The following UMODL1 variants were observed in gnomAD, a reference collection of about 807,000 sequenced individuals.
UMODL1 encodes uromodulin-like 1.
A neutral mutation model predicts 136.3 loss-of-function variants in UMODL1; 128 were observed. The ratio of observed to expected loss-of-function variants is 0.94; its 90% CI spans 0.81 to 1.09. The LOEUF (loss-of-function observed/expected upper bound fraction) is 1.09, where lower values mean the gene tolerates loss of function less well. Ranked by LOEUF, UMODL1 falls within the 50% of genes least tolerant of loss-of-function variation. UMODL1 has a pLI of 0.00. For missense variants in UMODL1, 1,766 were observed against 1,725.6 expected (o/e 1.02, Z -0.41); for synonymous variants, 721 against 720.0 (o/e 1.00, Z -0.02).
At chr21:42,128,794 C>T (rs2067096087) in intron 20 of UMODL1, among the ~76,000 whole-genome samples, 1 of 152,228 alleles carries the variant, frequency 6.6e-6, no homozygotes, top group African/African-American at 2.4e-5. Flanking sequence ...GAATTCTTTA[C>T]AAGAGGAGCG....
chr21:42,113,591 G>A lies in UMODL1; in HGVS notation c.2123G>A (p.Arg708Lys), dbSNP rs770338607. ...TPACVPVSIG[R>K]IMVSNVTSTG... ...TTCCCAGTTCCTGTCTCCATTGGGAGGATCATGGTCTCCAATGTGACCAGC... is the reference window on the plus strand; with the variant it reads ...TTCCCAGTTCCTGTCTCCATTGGGAAGATCATGGTCTCCAATGTGACCAGC... The change falls in exon 13 of 23, where the codon AGG (arginine) becomes AAG (lysine). Residue 708 changes from arginine to lysine, a missense_variant. Arg to Lys is a conservative substitution (Grantham distance 26, BLOSUM62 2). Transcript: ENST00000408910. 2 of 1,613,774 alleles carry A rather than the reference G, an allele frequency of 1.2e-6. No individual in the cohort carries two copies. The highest frequency in any genetic ancestry group is 2.2e-5 in the East Asian group (1 of 44,878).
chr21:42,097,863 A>G (rs906531196), intron 6 of UMODL1, among the ~76,000 whole-genome samples: 1 of 152,190 alleles, frequency 6.6e-6, no homozygotes, highest in Non-Finnish European at 1.5e-5. Flanking sequence ...ACTAGAATAT[A>G]TATAGGTTGG....
At chr21:42,138,518 T>A (rs1476795873) in intron 22 of UMODL1, among the ~76,000 whole-genome samples, 2 of 152,106 alleles carry the variant, frequency 1.3e-5, no homozygotes, top group African/African-American at 4.8e-5. Flanking sequence ...GAGGGCAGTA[T>A]GGTTAGTATA....
At chr21:42,098,010 G>A (rs888118257) in intron 6 of UMODL1, among the ~76,000 whole-genome samples, 5 of 152,240 alleles carry the variant, frequency 3.3e-5, no homozygotes, top group African/African-American at 1.2e-4. Context: ...TCAGCCCAGT[G>A]CAGAAGTTCT....
chr21:42,088,866 G>A (rs1273355269), intron 5 of UMODL1, among the ~76,000 whole-genome samples: 1 of 152,064 alleles, frequency 6.6e-6, no homozygotes, highest in Non-Finnish European at 1.5e-5. Context: ...CATTTCTTTG[G>A]TTTCCTAAAT....
rs774254202 is a variant in UMODL1 at position 42,073,031 on chromosome 21, C to CGT, written c.76+1651_76+1652dup. ...GAGTGTGTGTGTGTGTGCGCGCGCG[C>CGT]GTGTGTGTGTGTGCGTGTGCGCATG... On this transcript the variant is annotated intron_variant, in intron 1 of 22. Coordinates refer to ENST00000408910, the MANE Select transcript of UMODL1 (RefSeq NM_001004416.3). Among the ~76,000 whole-genome samples, 111 of 151,264 alleles carry CGT rather than the reference C, an allele frequency of 7.3e-4. 1 individual carries two copies. The highest frequency in any genetic ancestry group is 1.4e-3 in the Admixed American group (21 of 15,198).
intron 4 of UMODL1, among the ~76,000 whole-genome samples, chr21:42,086,170 C>T (rs539716035): frequency 1.5e-4 from 23 of 152,372 alleles, no homozygotes; most frequent in African/African-American, 5.5e-4. Context: ...GGTCTGGCTT[C>T]AGGACCGGCT....
intron 8 of UMODL1, chr21:42,102,731 A>G (rs528717176): frequency 6.5e-6 from 1 of 152,792 alleles, no homozygotes; most frequent in Non-Finnish European, 1.5e-5. Flanking sequence ...CAGATGGTGC[A>G]TTGGAGGGAG....
chr21:42,066,977 CTT>C (rs34685798), upstream of UMODL1, among the ~76,000 whole-genome samples: 204 of 132,808 alleles, frequency 1.5e-3, no homozygotes, highest in East Asian at 1.9e-3. Context: ...TTTTTTCTTT[CTT>C]TTTTTTTTTT....
In UMODL1 at chr21:42,090,367, G is replaced by C. The variant is rs1601197957; in HGVS notation, c.860G>C (p.Gly287Ala). Residue 287 changes from glycine (G) to alanine (A), a missense_variant, in exon 6 of 23, where the codon GGC becomes GCC. By Grantham distance (60) the Gly-to-Ala change is moderately conservative (BLOSUM62 0). Coordinates refer to ENST00000408910, the MANE Select transcript of UMODL1 (RefSeq NM_001004416.3). ...SGRELCANLE[G>A]SYWCVCHQEA... is the part of the protein sequence containing the mutation. ...AGGGAACTGTGCGCAAACCTGGAGG[G>C]CTCGTACTGGTGCGTCTGTCACCAG... 6.2e-7 allele frequency: 1 copy of C among 1,614,084 alleles called. No individual in the cohort carries two copies. The highest frequency in any genetic ancestry group is 2.2e-5 in the East Asian group (1 of 44,880).
chr21:42,130,221 C>CTTGT (rs1555933370), intron 21 of UMODL1, among the ~76,000 whole-genome samples: 4 of 150,464 alleles, frequency 2.7e-5, no homozygotes, highest in African/African-American at 9.8e-5. Flanking sequence ...GCCATGTCAA[C>CTTGT]GTGTGTGTGT....
intron 3 of UMODL1, 77 bp downstream of exon 3, chr21:42,084,322 G>T (rs575062025): frequency 7.2e-5 from 106 of 1,475,532 alleles, no homozygotes; most frequent in Admixed American, 2.6e-4. Flanking sequence ...GTGAAGGTGT[G>T]GGGGGGAGTG....
In UMODL1 at chr21:42,099,044, G is replaced by A; in HGVS notation, c.1050G>A (p.Met350Ile). The A allele has an allele frequency of 6.2e-7, 1 of 1,614,236 alleles. No individual in the cohort carries two copies. Among genetic ancestry groups the A allele is most frequent in the Non-Finnish European group, 8.5e-7 (1 of 1,180,042 alleles). Residue 350 changes from methionine (M) to isoleucine (I), a missense_variant, in exon 7 of 23, where the codon ATG (methionine) becomes ATA (isoleucine). Physicochemically the swap from Met to Ile is conservative, Grantham distance 10 (BLOSUM62 1). Coordinates refer to ENST00000408910, the MANE Select transcript of UMODL1 (RefSeq NM_001004416.3). This position sits in a 1 kb window ranked among gnomAD's most constrained non-coding sequence, Gnocchi z 4.1. ...HTFHVRVYRGMELLRSARTQS... is the reference protein window; with the variant it reads ...HTFHVRVYRGIELLRSARTQS... The stretch of plus-strand genomic sequence containing the variant: ...TCCATGTCCGGGTTTACCGGGGTAT[G>A]GAGTTGCTCAGGAGCGCCAGGACAC...
intron 13 of UMODL1, among the ~76,000 whole-genome samples, chr21:42,114,280 A>G (rs1425772539): frequency 6.6e-6 from 1 of 152,260 alleles, no homozygotes; most frequent in East Asian, 1.9e-4. Flanking sequence ...CTGGGGCCAC[A>G]AAGTAAAGAA....
chr21:42,110,853 G>A, intron 10 of UMODL1, 27 bp from the exon 11 acceptor site: 1 of 1,572,352 alleles, frequency 6.4e-7, no homozygotes, highest in South Asian at 1.2e-5. Context: ...GATCCAGCAG[G>A]CTCTGACAGT....
At chr21:42,110,852 G>A (rs1027412992) in intron 10 of UMODL1, 28 bp from the exon 11 acceptor site, 1 of 1,570,616 alleles carries the variant, frequency 6.4e-7, no homozygotes, top group Admixed American at 1.8e-5. Context: ...GGATCCAGCA[G>A]GCTCTGACAG....
chr21:42,064,442 T>C (rs1250314776), intron 1 of UMODL1, among the ~76,000 whole-genome samples: 1 of 152,242 alleles, frequency 6.6e-6, no homozygotes, highest in Non-Finnish European at 1.5e-5. Flanking sequence ...GAACTACACG[T>C]TGGCTCTCTT....
chr21:42,071,300 G>A (rs1269422417), upstream of UMODL1: 2 of 1,555,760 alleles, frequency 1.3e-6, no homozygotes, highest in African/African-American at 1.4e-5. Context: ...GCCCTGTACT[G>A]CCACCACTGC....
intron 16 of UMODL1, 144 bp downstream of exon 16, chr21:42,121,368 C>CGTGTGT (rs60666132): frequency 2.3e-4 from 166 of 712,984 alleles, no homozygotes; most frequent in African/African-American, 4.0e-4. Context: ...TGTGGGTGCA[C>CGTGTGT]GTGTGTGTGT....
Sources: gnomAD v4.1 joint callset for allele counts (sites outside exome capture counted in the v4.1 genomes callset) on GRCh38, gnomAD v4.1.1 for gene constraint, Gnocchi (gnomAD v3.1) non-coding constraint, MANE v1.5 for transcripts, NCBI Gene and HGNC (gene_info 2026-07-23, HGNC 2026-07-21) for gene names.